The following MTX1 variants were observed in gnomAD, a reference collection of about 807,000 sequenced individuals.
MTX1 encodes metaxin 1, also known as metaxin-1.
In MTX1, 20 loss-of-function variants were observed where a neutral mutation model predicts 39.4. The ratio of observed to expected loss-of-function variants is 0.51; its 90% CI spans 0.36 to 0.74. The LOEUF (loss-of-function observed/expected upper bound fraction) is 0.74, where lower values mean the gene tolerates loss of function less well. Ranked by LOEUF, MTX1 falls within the 30% of genes least tolerant of loss-of-function variation. The pLI, the probability that MTX1 is intolerant of heterozygous loss-of-function variation, is 0.00. For synonymous variants in MTX1, 209 were observed against 198.6 expected (o/e 1.05, Z -0.44); for missense variants, 481 against 485.9 (o/e 0.99, Z 0.10).
intron 1 of MTX1, among the ~76,000 whole-genome samples, chr1:155,209,747 G>A (rs1403000364): frequency 6.6e-6 from 1 of 152,076 alleles, no homozygotes; most frequent in African/African-American, 2.4e-5. Context: ...ATTTACTGAG[G>A]CTATTGTTTG....
chr1:155,210,367 G>A lies in MTX1; in HGVS notation c.550G>A (p.Ala184Thr). The A allele has an allele frequency of 3.1e-6, 5 of 1,614,208 alleles. No individual in the cohort carries two copies. The highest frequency in any genetic ancestry group is 4.2e-6 in the Non-Finnish European group (5 of 1,180,026). The change falls in exon 2 of 8, where the codon GCT (alanine) becomes ACT (threonine). Residue 184 changes from alanine to threonine, a missense_variant. This residue lies in a region of MTX1 where 368 missense variants were observed against 332.8 expected (regional missense o/e 1.11). Transcript: ENST00000368376. ...AVLTYARFTGAPLKVHKISNP... is the reference protein window; with the variant it reads ...AVLTYARFTGTPLKVHKISNP... ...GCAGACCTATGCCAGATTTACTGGT[G>A]CTCCACTGAAGGTACACAAGATCAG...
Position 155,209,228 on chromosome 1 carries a change from T to C in MTX1, c.424T>C (p.Phe142Leu). The C allele has an allele frequency of 6.9e-7, 1 of 1,452,734 alleles. No homozygotes were observed. Among genetic ancestry groups the C allele is most frequent in the Non-Finnish European group, 9.1e-7 (1 of 1,099,298 alleles). The allele number at this position is 1,452,734 out of a possible 1,614,324, so 90.0% of individuals were successfully genotyped here. Residue 142 changes from phenylalanine to leucine, a missense_variant, in exon 1 of 8, where the codon TTT becomes CTT. Transcript: ENST00000368376. ...GAGGGCAGAAGCACACAAGGAAGTGTTTCCGGGACAGAGGGTGGGCAAGAT... is the reference window on the plus strand; with the variant it reads ...GAGGGCAGAAGCACACAAGGAAGTGCTTCCGGGACAGAGGGTGGGCAAGAT... The part of the protein sequence containing the change: ...QGRAEAHKEV[F>L]PGQRVGKMAA...
chr1:155,210,995 G>C (rs1671114955), intron 3 of MTX1: 1 of 312,828 alleles, frequency 3.2e-6, no homozygotes, highest in Non-Finnish European at 6.2e-6. Flanking sequence ...AGCCAGGTTG[G>C]AGAAGATGAA....
At position 155,209,181 on chromosome 1, in the gene MTX1, CG is replaced by C; in HGVS notation, c.383del (p.Gly128AlafsTer49). 6.1e-6 allele frequency: 9 copies of C among 1,478,988 alleles called. No individual in the cohort carries two copies. Among genetic ancestry groups the C allele is most frequent in the East Asian group, 2.5e-5 (1 of 39,774 alleles). The allele number at this position is 1,478,988 out of a possible 1,614,324, so 91.6% of individuals were successfully genotyped here. ...PLTATIGGAV[A>X]GGGPRQGRAE... is the part of the protein sequence containing the mutation. ...ACCGCAACGATCGGAGGGGCGGTGG[CG>C]GGGGGCGGGCCCAGGCAGGGGAGGG... is the stretch of plus-strand genomic sequence containing the variant. On this transcript the variant is annotated frameshift_variant, in exon 1 of 8. Coordinates refer to ENST00000368376, the MANE Select transcript of MTX1 (RefSeq NM_002455.5). LOFTEE classifies it high-confidence loss of function.
At position 155,208,980 on chromosome 1, in the gene MTX1, G is replaced by A. The variant is rs1176122321; in HGVS notation, c.176G>A (p.Arg59Lys). Residue 59 changes from arginine to lysine, a missense_variant, in exon 1 of 8, where the codon AGG becomes AAG. Physicochemically the swap from Arg to Lys is conservative, Grantham distance 26 (BLOSUM62 2). Coordinates refer to ENST00000368376, the MANE Select transcript of MTX1 (RefSeq NM_002455.5). Reference sequence around the variant, plus strand: ...GGGGTTCGGGGCTCCACTTGGACGAGGCGCCGTGACTCTCCGAGGCGCGCC... The same window carrying A: ...GGGGTTCGGGGCTCCACTTGGACGAAGCGCCGTGACTCTCCGAGGCGCGCC... ...PSGVRGSTWTRRRDSPRRAGP... is the reference protein window; with the variant it reads ...PSGVRGSTWTKRRDSPRRAGP... The A allele has an allele frequency of 4.4e-6, 7 of 1,605,894 alleles. No individual in the cohort carries two copies. In the South Asian group the frequency reaches 5.5e-5, roughly 13 times the overall value.
rs372914521 is a variant in MTX1 at position 155,209,100 on chromosome 1, C to T, written c.296C>T (p.Ala99Val). The T allele has an allele frequency of 8.4e-4, 1,304 of 1,543,332 alleles. No individual in the cohort carries two copies. Among genetic ancestry groups the T allele is most frequent in the Non-Finnish European group, 1.0e-3 (1,190 of 1,143,770 alleles). ...EARGPVPRSS[A>V]ASRARRSLAS... ...CGCGGCCCAGTCCCCCGCAGTTCAG[C>T]TGCCAGTCGGGCCAGAAGAAGCCTC... is the stretch of plus-strand genomic sequence containing the variant. The change falls in exon 1 of 8, where the codon GCT (alanine) becomes GTT (valine). Residue 99 changes from alanine (A) to valine (V), a missense_variant. This residue lies in a region of MTX1 where 368 missense variants were observed against 332.8 expected (regional missense o/e 1.11). Coordinates refer to ENST00000368376, the MANE Select transcript of MTX1 (RefSeq NM_002455.5).
intron 1 of MTX1, among the ~76,000 whole-genome samples, chr1:155,209,813 C>T (rs1671034424): frequency 6.6e-6 from 1 of 152,206 alleles, no homozygotes; most frequent in Non-Finnish European, 1.5e-5. Context: ...AATCAGACTT[C>T]CTTTGCTTCA....
intron 3 of MTX1, 49 bp from the exon 4 acceptor site, chr1:155,212,078 G>A (rs748005320): frequency 2.6e-6 from 4 of 1,516,102 alleles, no homozygotes; most frequent in South Asian, 1.2e-5. Flanking sequence ...CCCTGGTGAA[G>A]TGCCCTTGCA....
chr1:155,210,230 A>C (rs1281464940), intron 1 of MTX1, 116 bp from the exon 2 acceptor site: 5 of 897,520 alleles, frequency 5.6e-6, no homozygotes, highest in Non-Finnish European at 8.9e-6. Context: ...TTTCGAGACT[A>C]AGATACTAAG....
At chr1:155,211,576 G>A (rs2778496) in intron 3 of MTX1, 1 of 153,112 alleles carries the variant, frequency 6.5e-6, no homozygotes, top group Non-Finnish European at 1.5e-5. Context: ...GGGGGTATGG[G>A]TGGAATGTGT....
Position 155,209,338 on chromosome 1 carries a change from G to T in MTX1, c.528+6G>T. 1 of 1,413,976 alleles carries T rather than the reference G, an allele frequency of 7.1e-7. No individual in the cohort carries two copies. Among genetic ancestry groups the T allele is most frequent in the East Asian group, 2.6e-5 (1 of 38,864 alleles). The allele number at this position is 1,413,976 out of a possible 1,614,324, so 87.6% of individuals were successfully genotyped here. ...TGGACAGCCTGGCCGTGCTGGTGAG[G>T]GGTGGCGCCGGCGCCCTCTGCTGTG... On this transcript the variant is annotated splice_donor_region_variant and intron_variant, in intron 1 of 7. Coordinates refer to ENST00000368376, the MANE Select transcript of MTX1 (RefSeq NM_002455.5).
intron 5 of MTX1, 56 bp downstream of exon 5, chr1:155,212,623 G>A: frequency 1.9e-6 from 3 of 1,608,744 alleles, no homozygotes; most frequent in Non-Finnish European, 2.5e-6. Flanking sequence ...TGCTGGCCAG[G>A]AATGGGAGTG....
At position 155,209,284 on chromosome 1, in the gene MTX1, A is replaced by G. The variant is rs1481303220; in HGVS notation, c.480A>G (p.Ser160=). Residue 160 remains serine (S), a synonymous_variant, in exon 1 of 8, where the codon TCA becomes TCG. Transcript: ENST00000368376. Reference sequence around the variant, plus strand: ...CGCCCATGGAGCTGTTCTGCTGGTCAGGGGGCTGGGGGCTGCCGTCAGTGG... The same window carrying G: ...CGCCCATGGAGCTGTTCTGCTGGTCGGGGGGCTGGGGGCTGCCGTCAGTGG... ...MAAPMELFCW[S]GGWGLPSVDL... The G allele has an allele frequency of 1.4e-6, 2 of 1,444,754 alleles. No homozygotes were observed. Among genetic ancestry groups the G allele is most frequent in the South Asian group, 1.5e-5 (1 of 66,822 alleles). The allele number at this position is 1,444,754 out of a possible 1,614,324, so 89.5% of individuals were successfully genotyped here.
chr1:155,209,275 C>A lies in MTX1; in HGVS notation c.471C>A (p.Phe157Leu), dbSNP rs1345132588. Residue 157 changes from phenylalanine (F) to leucine (L), a missense_variant, in exon 1 of 8, where the codon TTC (phenylalanine) becomes TTA (leucine). Phe to Leu is a conservative substitution (Grantham distance 22). Transcript: ENST00000368376. ...AGATGGCGGCGCCCATGGAGCTGTT[C>A]TGCTGGTCAGGGGGCTGGGGGCTGC... ...VGKMAAPMELFCWSGGWGLPS... is the reference protein window; with the variant it reads ...VGKMAAPMELLCWSGGWGLPS... 2 of 1,450,114 alleles carry A rather than the reference C, an allele frequency of 1.4e-6. No homozygotes were observed. The highest frequency in any genetic ancestry group is 2.8e-5 in the Admixed American group (1 of 35,578). The allele number at this position is 1,450,114 out of a possible 1,614,324, so 89.8% of individuals were successfully genotyped here. A position where few individuals can be genotyped will look rare whatever the true frequency, so the allele number is the denominator to read the frequency against.
intron 3 of MTX1, chr1:155,211,531 A>G (rs1219468017): frequency 6.5e-6 from 1 of 153,040 alleles, no homozygotes; most frequent in African/African-American, 2.4e-5. Context: ...AGGAACAGGG[A>G]CTGGAGCCTG....
In MTX1 at chr1:155,213,088, C is replaced by T. The variant is rs536677578; in HGVS notation, c.1032-149C>T. 235 of 589,732 alleles carry T rather than the reference C, an allele frequency of 4.0e-4. 3 individuals carry two copies. The African/African-American group carries it at 4.3e-3, about 11-fold the overall frequency. 36.5% of individuals were successfully genotyped at this position (589,732 alleles called of 1,614,324 possible). On this transcript the variant is annotated intron_variant, in intron 6 of 7. Coordinates refer to ENST00000368376, the MANE Select transcript of MTX1 (RefSeq NM_002455.5). The stretch of plus-strand genomic sequence containing the variant: ...CGCCACCTGGGGATCTCTCCCCATA[C>T]CAGGTCTAGAACTGTGTGTCCTGTC...
intron 6 of MTX1, among the ~76,000 whole-genome samples, 194 bp from the exon 7 acceptor site, chr1:155,213,043 C>T (rs1671183957): frequency 6.6e-6 from 1 of 151,576 alleles, no homozygotes; most frequent in Non-Finnish European, 1.5e-5. Context: ...GGGATAGAGC[C>T]CTATTCAGGG....
intron 3 of MTX1, 85 bp from the exon 4 acceptor site, chr1:155,212,042 G>T (rs1277367618): frequency 1.1e-4 from 130 of 1,219,726 alleles, no homozygotes; most frequent in South Asian, 4.5e-4. Flanking sequence ...GGCCAGTGAG[G>T]GGGGTACCAG....
At chr1:155,209,711 TCTC>T (rs1671025170) in intron 1 of MTX1, among the ~76,000 whole-genome samples, 2 of 152,158 alleles carry the variant, frequency 1.3e-5, no homozygotes, top group Admixed American at 6.5e-5. Flanking sequence ...TCAGCCCCCT[TCTC>T]CTCTTCCTCC....
Sources: allele counts gnomAD v4.1 joint callset (sites outside exome capture counted in the v4.1 genomes callset), GRCh38; gene constraint gnomAD v4.1.1; regional missense constraint gnomAD v4.1.1; transcripts MANE v1.5; gene names NCBI Gene and HGNC (gene_info 2026-07-23, HGNC 2026-07-21).